TTC29: variants seen among roughly 807,000 people sequenced by gnomAD.
TTC29 encodes the protein tetratricopeptide repeat domain 29.
TTC29 carries 49 observed loss-of-function variants against 58.1 expected under a neutral mutation model. The observed-to-expected ratio is 0.84, with a 90% CI of 0.67 to 1.07. The LOEUF (loss-of-function observed/expected upper bound fraction) is 1.07, where lower values mean the gene tolerates loss of function less well. Among genes scored for constraint, TTC29 ranks in the 50% least tolerant of loss-of-function variants. The pLI is 0.00. For synonymous variants in TTC29, 209 were observed against 196.8 expected, an observed-to-expected ratio of 1.06 and a Z score of -0.52; for missense variants, 582 against 555.6, an observed-to-expected ratio of 1.05 and a Z score of -0.48.
chr4:146,932,913 C>T (rs1457400458), intron 4 of TTC29, among the ~76,000 whole-genome samples: 1 of 151,984 alleles, frequency 6.6e-6, no homozygotes, highest in East Asian at 1.9e-4. Context: ...AAAAAATTAG[C>T]CAGGCGTGGT....
At chr4:146,782,881 G>T (rs556982965) in intron 11 of TTC29, among the ~76,000 whole-genome samples, 2 of 151,864 alleles carry the variant, frequency 1.3e-5, no homozygotes, top group East Asian at 3.9e-4. Context: ...TCAAATAAGC[G>T]TCAGAAAATA....
chr4:146,754,085 A>G lies in TTC29; in HGVS notation c.1331-46534T>C, dbSNP rs1441197653. ...AAAAAAATAAAATAAAATAAAAATA[A>G]AAAATATTTTGGTAAATCTGTTTGT... On this transcript the variant is annotated intron_variant, in intron 11 of 12. Transcript: ENST00000325106. Among the ~76,000 whole-genome samples, 8 of 151,920 alleles carry G rather than the reference A, an allele frequency of 5.3e-5. 1 individual carries two copies. Among genetic ancestry groups the G allele is most frequent in the African/African-American group, 1.9e-4 (8 of 41,532 alleles).
At chr4:146,782,151 C>A (rs971767561) in intron 11 of TTC29, among the ~76,000 whole-genome samples, 1 of 151,766 alleles carries the variant, frequency 6.6e-6, no homozygotes, top group Non-Finnish European at 1.5e-5. Context: ...CGATTTCTGG[C>A]ATTCTGATTT....
rs1486103396 is a variant in TTC29, at chr4:146,707,132, G to T, written c.*26C>A. 2 of 1,510,976 alleles carry T rather than the reference G, an allele frequency of 1.3e-6. No homozygotes were observed. The highest frequency in any genetic ancestry group is 2.6e-5 in the South Asian group (2 of 75,650). 93.6% of individuals were successfully genotyped at this position (1,510,976 alleles called of 1,614,324 possible). A position where few individuals can be genotyped will look rare whatever the true frequency, so the allele number is the denominator to read the frequency against. On this transcript the variant is annotated 3_prime_UTR_variant, in exon 13 of 13. Transcript: ENST00000325106. ...AAGGTGACATGATGGATTTCTTCTT[G>T]CTTTGATGTTAAGTGAAAAGCTGCT...
intron 6 of TTC29, among the ~76,000 whole-genome samples, chr4:146,893,217 C>T: frequency 6.6e-6 from 1 of 152,084 alleles, no homozygotes; most frequent in Non-Finnish European, 1.5e-5. Flanking sequence ...GAGCTCGCAT[C>T]ACCAAGTCAA....
At chr4:146,853,027 T>A (rs1342215974) in intron 8 of TTC29, among the ~76,000 whole-genome samples, 1 of 152,188 alleles carries the variant, frequency 6.6e-6, no homozygotes, top group East Asian at 1.9e-4. Context: ...CCTGCTACAA[T>A]CAATCCTATA....
At chr4:146,892,143 T>G (rs1487009254) in intron 6 of TTC29, among the ~76,000 whole-genome samples, 1 of 152,128 alleles carries the variant, frequency 6.6e-6, no homozygotes, top group South Asian at 2.1e-4. Context: ...GTTCTCATGA[T>G]AGTGAGTGAG....
Position 146,834,807 on chromosome 4 carries a change from C to T in TTC29, c.886-910G>A, listed in dbSNP as rs375751991. Among the ~76,000 whole-genome samples, 25 of 152,194 alleles carry T rather than the reference C, an allele frequency of 1.6e-4. No individual in the cohort carries two copies. The East Asian group carries it at 4.1e-3, about 25-fold the overall frequency. ...GCAGCCTAGAAGGTTTAAGTCTGAG[C>T]GGCAGGGTTGATATTTTATTTGCTT... On this transcript the variant is annotated intron_variant, in intron 8 of 12. Coordinates refer to ENST00000325106, the MANE Select transcript of TTC29 (RefSeq NM_031956.4).
At position 146,925,998 on chromosome 4, in the gene TTC29, G is replaced by A. The variant is rs557568574; in HGVS notation, c.176+11596C>T. ...CATTACTTAACCTCTCCATGCCTTC[G>A]TCTCTGGGAGTAATAACAAGGGTTA... On this transcript the variant is annotated intron_variant, in intron 4 of 12. Coordinates refer to ENST00000325106, the MANE Select transcript of TTC29 (RefSeq NM_031956.4). Among the ~76,000 whole-genome samples the A allele has an allele frequency of 1.4e-3, 214 of 151,908 alleles. 1 individual carries two copies. Among genetic ancestry groups the A allele is most frequent in the Non-Finnish European group, 2.2e-3 (148 of 67,960 alleles).
At chr4:146,908,749 T>C (rs536067695) in intron 5 of TTC29, among the ~76,000 whole-genome samples, 1 of 152,354 alleles carries the variant, frequency 6.6e-6, no homozygotes, top group African/African-American at 2.4e-5. Flanking sequence ...TGATAGGAAC[T>C]ATGTTAATTC....
At chr4:146,817,595 A>T (rs571084021) in intron 10 of TTC29, among the ~76,000 whole-genome samples, 50 of 152,330 alleles carry the variant, frequency 3.3e-4, no homozygotes, top group African/African-American at 1.1e-3. Flanking sequence ...TAAAGTTCAT[A>T]TGGAATCAAA....
chr4:146,728,771 ACACATATATATG>A (rs1428524893), intron 11 of TTC29, among the ~76,000 whole-genome samples: 2 of 129,568 alleles, frequency 1.5e-5, no homozygotes, highest in Admixed American at 8.1e-5. Context: ...ACATATATAT[ACACATATATATG>A]TGTATATATA....
chr4:146,893,920 C>G (rs1202481086), intron 6 of TTC29, among the ~76,000 whole-genome samples: 1 of 152,170 alleles, frequency 6.6e-6, no homozygotes, highest in Admixed American at 6.5e-5. Flanking sequence ...CCAAAAGACA[C>G]ATGAAAAAAT....
At chr4:146,853,591 C>T (rs979998692) in intron 8 of TTC29, among the ~76,000 whole-genome samples, 2 of 151,882 alleles carry the variant, frequency 1.3e-5, no homozygotes, top group African/African-American at 4.8e-5. Flanking sequence ...AGCTAGATCT[C>T]GGTATATATT....
chr4:146,721,382 AGAAATT>A (rs1186537672), intron 11 of TTC29, among the ~76,000 whole-genome samples: 2 of 152,182 alleles, frequency 1.3e-5, no homozygotes, highest in Admixed American at 6.6e-5. Flanking sequence ...TCATTTCTGG[AGAAATT>A]TTTATGGTTA....
At chr4:146,718,540 C>A (rs917025299) in intron 11 of TTC29, among the ~76,000 whole-genome samples, 67 of 152,120 alleles carry the variant, frequency 4.4e-4, no homozygotes, top group Non-Finnish European at 9.1e-4. Flanking sequence ...AGGTCCCTAG[C>A]CTATTTTAAA....
chr4:146,903,524 C>T lies in TTC29; in HGVS notation c.586+20G>A. 2.5e-6 allele frequency: 4 copies of T among 1,583,574 alleles called. No homozygotes were observed. The highest frequency in any genetic ancestry group is 3.4e-6 in the Non-Finnish European group (4 of 1,164,296). On this transcript the variant is annotated intron_variant, in intron 6 of 12. Transcript: ENST00000325106. ...ATCCACCAAAACATACCCAAGGCATCCTGGCAAATGCCCACTCACCATCTT... is the reference window on the plus strand; with the variant it reads ...ATCCACCAAAACATACCCAAGGCATTCTGGCAAATGCCCACTCACCATCTT...
intron 3 of TTC29, 109 bp downstream of exon 3, chr4:146,939,695 A>G: frequency 9.5e-7 from 1 of 1,050,378 alleles, no homozygotes; most frequent in Non-Finnish European, 1.4e-6. Context: ...ATAACAAGGC[A>G]TTTTTCTCTT....
intron 8 of TTC29, among the ~76,000 whole-genome samples, chr4:146,835,841 G>C (rs1451269292): frequency 6.6e-6 from 1 of 152,114 alleles, no homozygotes; most frequent in South Asian, 2.1e-4. Context: ...TAGAAGGGTA[G>C]GTTCCCAAGA....
Sources: gnomAD v4.1 joint callset for allele counts (sites outside exome capture counted in the v4.1 genomes callset) on GRCh38, gnomAD v4.1.1 for gene constraint, MANE v1.5 for transcripts, NCBI Gene and HGNC (gene_info 2026-07-23, HGNC 2026-07-21) for gene names.